The following LRRTM4 variants were observed in gnomAD, a reference collection of about 807,000 sequenced individuals.
LRRTM4 encodes leucine-rich repeat transmembrane neuronal protein 4.
A neutral mutation model predicts 47.6 loss-of-function variants in LRRTM4; 25 were observed. The observed-to-expected ratio is 0.53, with a 90% confidence interval of 0.38 to 0.73. The LOEUF is 0.73. Among genes scored for constraint, LRRTM4 ranks in the 30% least tolerant of loss-of-function variants. LRRTM4 has a pLI of 0.00. For missense variants in LRRTM4, 638 were observed against 713.4 expected (o/e 0.89, Z 1.20); for synonymous variants, 311 against 269.5 (o/e 1.15, Z -1.51).
intron 3 of LRRTM4, among the ~76,000 whole-genome samples, chr2:77,454,801 A>T (rs1191070477): frequency 6.6e-6 from 1 of 152,208 alleles, no homozygotes; most frequent in African/African-American, 2.4e-5. Context: ...TCAACACATA[A>T]ATGATGCCCA....
In LRRTM4 at chr2:76,776,611, T is replaced by C. The variant is rs1394362766; in HGVS notation, c.1552-27695A>G. 5.9e-5 allele frequency among the ~76,000 whole-genome samples: 9 copies of C among 152,168 alleles called. No individual in the cohort carries two copies. The East Asian group carries it at 1.2e-3, about 20-fold the overall frequency. On this transcript the variant is annotated intron_variant, in intron 3 of 3. Transcript: ENST00000409884. ...CCCACTTTTTGATAGGGTTGTTTGT[T>C]TTTTTCTTGTAAATTTGTTTGAGTT...
chr2:77,487,248 C>G (rs1000414217), intron 3 of LRRTM4, among the ~76,000 whole-genome samples: 2 of 152,162 alleles, frequency 1.3e-5, no homozygotes, highest in Admixed American at 6.5e-5. Context: ...CAGCCCTGGT[C>G]GTGGACCTGT....
At chr2:77,013,191 C>A (rs1677937944) in intron 3 of LRRTM4, among the ~76,000 whole-genome samples, 1 of 152,146 alleles carries the variant, frequency 6.6e-6, no homozygotes, top group Non-Finnish European at 1.5e-5. Flanking sequence ...AAAGGTATAA[C>A]CACTGAAGCA....
intron 3 of LRRTM4, among the ~76,000 whole-genome samples, chr2:77,184,368 C>A (rs1007884538): frequency 1.3e-5 from 2 of 152,058 alleles, no homozygotes; most frequent in African/African-American, 4.8e-5. Flanking sequence ...GTGGCAGCAA[C>A]TAGGCTCATG....
intron 3 of LRRTM4, among the ~76,000 whole-genome samples, chr2:77,458,576 C>T (rs1464260744): frequency 6.6e-6 from 1 of 151,188 alleles, no homozygotes; most frequent in Non-Finnish European, 1.5e-5. Flanking sequence ...CACTTTCCAT[C>T]AACTGCCGTT....
chr2:76,781,414 G>T (rs1423310094), intron 3 of LRRTM4, among the ~76,000 whole-genome samples: 1 of 152,264 alleles, frequency 6.6e-6, no homozygotes, highest in Admixed American at 6.5e-5. Context: ...GACTCCGTGG[G>T]CGTAGGACCC....
intron 3 of LRRTM4, among the ~76,000 whole-genome samples, chr2:76,857,322 T>TATATATATAAA (rs1162128021): frequency 6.8e-6 from 1 of 148,098 alleles, no homozygotes; most frequent in African/African-American, 2.5e-5. Context: ...ATATATATAA[T>TATATATATAAA]ATATATATCA....
chr2:76,801,282 A>G (rs1675663661), intron 3 of LRRTM4, among the ~76,000 whole-genome samples: 1 of 152,152 alleles, frequency 6.6e-6, no homozygotes, highest in Non-Finnish European at 1.5e-5. Context: ...CAACAATGAT[A>G]GACTGGATTA....
At chr2:77,025,559 C>A (rs1182342408) in intron 3 of LRRTM4, among the ~76,000 whole-genome samples, 2 of 152,148 alleles carry the variant, frequency 1.3e-5, no homozygotes, top group Non-Finnish European at 2.9e-5. Context: ...TGTGTTCCTT[C>A]CCTTTCAATA....
chr2:76,842,673 G>T (rs1049452108), intron 3 of LRRTM4, among the ~76,000 whole-genome samples: 27 of 152,192 alleles, frequency 1.8e-4, no homozygotes, highest in African/African-American at 6.3e-4. Context: ...GCATGGGTAT[G>T]TAGAGGAGAG....
chr2:77,374,376 G>T (rs1441421880), intron 3 of LRRTM4, among the ~76,000 whole-genome samples: 1 of 151,730 alleles, frequency 6.6e-6, no homozygotes. Flanking sequence ...GTTAAAAAAT[G>T]ATATCCCAGG....
chr2:77,035,104 G>A (rs142284012), intron 3 of LRRTM4, among the ~76,000 whole-genome samples: 103 of 150,710 alleles, frequency 6.8e-4, no homozygotes, highest in Non-Finnish European at 1.2e-3. Context: ...GGGTACATGC[G>A]CACAATGTGC....
chr2:76,775,756 A>T (rs968769437), intron 3 of LRRTM4, among the ~76,000 whole-genome samples: 2 of 151,636 alleles, frequency 1.3e-5, no homozygotes, highest in African/African-American at 4.8e-5. Context: ...TCTTTTTTTT[A>T]AATTTATTTT....
chr2:76,818,517 A>AC (rs1205599348), intron 3 of LRRTM4, among the ~76,000 whole-genome samples: 1 of 151,862 alleles, frequency 6.6e-6, no homozygotes, highest in African/African-American at 2.4e-5. Flanking sequence ...AAACTATTAC[A>AC]CATTGAAAGA....
At chr2:77,061,569 T>C (rs1431324402) in intron 3 of LRRTM4, among the ~76,000 whole-genome samples, 2 of 152,006 alleles carry the variant, frequency 1.3e-5, no homozygotes, top group Non-Finnish European at 2.9e-5. Flanking sequence ...GAGTGTTCAG[T>C]GTGGGGGCCA....
At chr2:76,989,004 GTCTTT>G (rs1187155302) in intron 3 of LRRTM4, among the ~76,000 whole-genome samples, 1 of 151,718 alleles carries the variant, frequency 6.6e-6, no homozygotes, top group Non-Finnish European at 1.5e-5. Flanking sequence ...ACAAAAATGT[GTCTTT>G]TCTTAACTTT....
intron 3 of LRRTM4, among the ~76,000 whole-genome samples, chr2:76,847,425 T>A (rs926714114): frequency 6.6e-6 from 1 of 152,116 alleles, no homozygotes; most frequent in Non-Finnish European, 1.5e-5. Flanking sequence ...CATGAGCCAA[T>A]GACTTTCCTA....
chr2:77,314,980 G>T (rs949971259), intron 3 of LRRTM4, among the ~76,000 whole-genome samples: 5 of 152,130 alleles, frequency 3.3e-5, no homozygotes, highest in Non-Finnish European at 5.9e-5. Flanking sequence ...TGATGGAATT[G>T]TTCTGAGCAT....
chr2:76,812,153 G>T (rs1232451988), intron 3 of LRRTM4, among the ~76,000 whole-genome samples: 1 of 152,144 alleles, frequency 6.6e-6, no homozygotes, highest in African/African-American at 2.4e-5. Flanking sequence ...AACACAGCTA[G>T]TGGAAGCCTT....
Sources: gnomAD v4.1 joint callset for allele counts (sites outside exome capture counted in the v4.1 genomes callset) on GRCh38, gnomAD v4.1.1 for gene constraint, MANE v1.5 for transcripts, NCBI Gene and HGNC (gene_info 2026-07-23, HGNC 2026-07-21) for gene names.